UBA7: variants seen among roughly 807,000 people sequenced by gnomAD.
The protein encoded by UBA7 is ubiquitin-like modifier-activating enzyme 7.
In UBA7, 88 loss-of-function variants were observed where a neutral mutation model predicts 113.0. That is an observed-to-expected ratio of 0.78 (90% confidence interval 0.66 to 0.93). The LOEUF (loss-of-function observed/expected upper bound fraction) is 0.93. UBA7 is among the 40% of genes least tolerant of loss of function. The probability of loss-of-function intolerance (pLI) is 0.00; values close to 1 mark genes in which losing one functional copy is unlikely to be tolerated. For synonymous variants in UBA7, 459 were observed against 513.0 expected, an observed-to-expected ratio of 0.89 and a Z score of 1.42; for missense variants, 1,092 against 1,266.4, an observed-to-expected ratio of 0.86 and a Z score of 2.09.
chr3:49,806,527 C>T (rs1392393542), intron 21 of UBA7, among the ~76,000 whole-genome samples: 1 of 152,112 alleles, frequency 6.6e-6, no homozygotes, highest in African/African-American at 2.4e-5. Flanking sequence ...CTGGGGGGCA[C>T]ATCCTGTCCC....
Position 49,812,505 on chromosome 3 carries a change from A to G in UBA7, c.597T>C (p.Asn199=), listed in dbSNP as rs1406028633. ...AGTCTCCATCACGGAAGTAGTGGGT[A>G]TTGGCCCCTTTCCTCAGAGTGAGAA... The part of the protein sequence containing the change: ...PGILTLRKGA[N]THYFRDGDLV... The change falls in exon 6 of 24, where the codon AAT becomes AAC. Residue 199 remains asparagine (N), a synonymous_variant. Transcript: ENST00000333486. 1 of 1,614,174 alleles carries G rather than the reference A, an allele frequency of 6.2e-7. No individual in the cohort carries two copies. Among genetic ancestry groups the G allele is most frequent in the East Asian group, 2.2e-5 (1 of 44,860 alleles).
rs1008278625 is a variant in UBA7, at chr3:49,807,829, C to T, written c.2622G>A (p.Gly874=). 1 of 1,614,022 alleles carries T rather than the reference C, an allele frequency of 6.2e-7. No individual in the cohort carries two copies. Among genetic ancestry groups the T allele is most frequent in the African/African-American group, 1.3e-5 (1 of 74,924 alleles). ...GGCGAAAGGCACTACGAGGCCGTGG[C>T]CCACTCACCACCTTATACAGCTCCA... ...LGLELYKVVS[G]PRPRSAFRHS... The change falls in exon 21 of 24, where the codon GGG becomes GGA. Residue 874 remains glycine (G), a synonymous_variant. Coordinates refer to ENST00000333486, the MANE Select transcript of UBA7 (RefSeq NM_003335.3). This position sits in a 1 kb window ranked among gnomAD's most constrained non-coding sequence, Gnocchi z 4.0.
In UBA7 at chr3:49,811,056, C is replaced by T. The variant is rs927387889; in HGVS notation, c.1158G>A (p.Trp386Ter). 2 of 1,614,098 alleles carry T rather than the reference C, an allele frequency of 1.2e-6. No individual in the cohort carries two copies. Among genetic ancestry groups the T allele is most frequent in the Non-Finnish European group, 1.7e-6 (2 of 1,180,010 alleles). ...ISRKFMPLDQ[W>*]LYFDALDCLP... ...GACAATCGAGGGCATCAAAGTAAAGCCACTGGTCCAGAGGCATGAACTTCC... is the reference window on the plus strand; with the variant it reads ...GACAATCGAGGGCATCAAAGTAAAGTCACTGGTCCAGAGGCATGAACTTCC... Residue 386 changes from tryptophan to a stop codon, truncating the protein, a stop_gained, in exon 10 of 24, where the codon TGG becomes TGA. Transcript: ENST00000333486. LOFTEE classifies it high-confidence loss of function.
Position 49,812,193 on chromosome 3 carries a change from C to T in UBA7, c.708G>A (p.Leu236=), listed in dbSNP as rs2081559961. Residue 236 remains leucine (L), a synonymous_variant, in exon 7 of 24, where the codon CTG becomes CTA. Transcript: ENST00000333486. ...AGAAAGTTGTTGTGTCTCCAATCTC[C>T]AGGGACCCATCCTCTGAGGGAGTTC... The part of the protein sequence containing the change: ...RSIHVREDGS[L]EIGDTTTFSR... 10 of 1,614,226 alleles carry T rather than the reference C, an allele frequency of 6.2e-6. No homozygotes were observed. The highest frequency in any genetic ancestry group is 7.6e-6 in the Non-Finnish European group (9 of 1,180,040).
rs562192715 is a variant in UBA7 at position 49,810,378 on chromosome 3, G to C, written c.1518C>G (p.Asp506Glu). 2 of 1,614,070 alleles carry C rather than the reference G, an allele frequency of 1.2e-6. No individual in the cohort carries two copies. Among genetic ancestry groups the C allele is most frequent in the Non-Finnish European group, 1.7e-6 (2 of 1,180,046 alleles). Residue 506 changes from aspartate to glutamate, a missense_variant, in exon 13 of 24, where the codon GAC (aspartate) becomes GAG (glutamate). Transcript: ENST00000333486. This position sits in a 1 kb window ranked among gnomAD's most constrained non-coding sequence, Gnocchi z 5.6. ...GGTAGGTGAGCGGGATCACCTGTAA[G>C]TCTGGGTTCAGGCCCCGGGCAGCTG... Reference protein sequence around the residue: ...AAAAARGLNPDLQVIPLTYPL... With the variant: ...AAAAARGLNPELQVIPLTYPL...
chr3:49,808,395 C>T lies in UBA7; in HGVS notation c.2421G>A (p.Met807Ile), dbSNP rs2081489541. Residue 807 changes from methionine to isoleucine, a missense_variant, in exon 19 of 24, where the codon ATG (methionine) becomes ATA (isoleucine). Physicochemically the swap from Met to Ile is conservative, Grantham distance 10. This residue lies in a region of UBA7 where 500 missense variants were observed against 529.3 expected (regional missense o/e 0.94). Transcript: ENST00000333486. ...WSVGPPLKPL[M>I]FEKDDDSNFH... Reference sequence around the variant, plus strand: ...CCACTTGGGCACCCACCTTCTCAAACATCAGAGGCTTCAGGGGAGGGCCCA... The same window carrying T: ...CCACTTGGGCACCCACCTTCTCAAATATCAGAGGCTTCAGGGGAGGGCCCA... 1 of 1,614,104 alleles carries T rather than the reference C, an allele frequency of 6.2e-7. No individual in the cohort carries two copies. The highest frequency in any genetic ancestry group is 1.1e-5 in the South Asian group (1 of 91,094).
At position 49,811,987 on chromosome 3, in the gene UBA7, G is replaced by A; in HGVS notation, c.822C>T (p.Pro274=). 1 of 1,614,210 alleles carries A rather than the reference G, an allele frequency of 6.2e-7. No homozygotes were observed. The highest frequency in any genetic ancestry group is 8.5e-7 in the Non-Finnish European group (1 of 1,180,044). Residue 274 remains proline, a synonymous_variant, in exon 8 of 24, where the codon CCC becomes CCT. Transcript: ENST00000333486. ...CCTGGGAGCTCTGGGCCACCACATG[G>A]GGCTGGAGCAGGGCTGTGTCCAGGG... The part of the protein sequence containing the change: ...HKSLDTALLQ[P]HVVAQSSQEV...
chr3:49,813,004 C>G, intron 4 of UBA7, 58 bp downstream of exon 4: 1 of 1,571,604 alleles, frequency 6.4e-7, no homozygotes, highest in Non-Finnish European at 8.7e-7. Context: ...GAGCTGAGGA[C>G]AGCATGAGGC....
intron 16 of UBA7, 27 bp downstream of exon 16, chr3:49,809,515 C>A (rs1224651276): frequency 6.2e-7 from 1 of 1,613,558 alleles, no homozygotes; most frequent in Admixed American, 1.7e-5. Context: ...CCCTGAGCCC[C>A]CAGCGTCCCA....
chr3:49,808,424 T>TC lies in UBA7; in HGVS notation c.2391dup (p.Ser798GlufsTer12), dbSNP rs944249809. 5 of 1,614,016 alleles carry TC rather than the reference T, an allele frequency of 3.1e-6. No homozygotes were observed. Among genetic ancestry groups the TC allele is most frequent in the Non-Finnish European group, 4.2e-6 (5 of 1,180,004 alleles). Reference sequence around the variant, plus strand: ...AGAGGCTTCAGGGGAGGGCCCACACTCCAGACTTCCAGGGCTTTGTTCAGT... The same window carrying TC: ...AGAGGCTTCAGGGGAGGGCCCACACTCCCAGACTTCCAGGGCTTTGTTCAGT... On this transcript the variant is annotated frameshift_variant, in exon 19 of 24. Transcript: ENST00000333486. LOFTEE classifies it high-confidence loss of function.
rs779909540 is a variant in UBA7, at chr3:49,812,466, C to G, written c.636G>C (p.Ser212=). The part of the protein sequence containing the change: ...YFRDGDLVTF[S]GIEGMVELND... Reference sequence around the variant, plus strand: ...TGAGCTCAACCATTCCCTCAATTCCCGAGAAAGTCACCAAGTCTCCATCAC... The same window carrying G: ...TGAGCTCAACCATTCCCTCAATTCCGGAGAAAGTCACCAAGTCTCCATCAC... The change falls in exon 6 of 24, where the codon TCG becomes TCC. Residue 212 remains serine, a synonymous_variant. Transcript: ENST00000333486. 1 of 1,614,238 alleles carries G rather than the reference C, an allele frequency of 6.2e-7. No individual in the cohort carries two copies. The highest frequency in any genetic ancestry group is 1.1e-5 in the South Asian group (1 of 91,086).
Position 49,813,369 on chromosome 3 carries a change from C to T in UBA7, c.240G>A (p.Glu80=). The change falls in exon 3 of 24, where the codon GAG becomes GAA. Residue 80 remains glutamate (E), a synonymous_variant. Transcript: ENST00000333486. ...SDLAAQFLLS[E]QDLERSRAEA... ...CGGCTCTGCTCCTTTCCAAGTCCTG[C>T]TCTGAGAGGAGAAACTAGGGAGAGA... 6.2e-7 allele frequency: 1 copy of T among 1,613,680 alleles called. No individual in the cohort carries two copies. The highest frequency in any genetic ancestry group is 8.5e-7 in the Non-Finnish European group (1 of 1,179,776).
rs2081510246 is a variant in UBA7, at chr3:49,809,658, C to T, written c.1972G>A (p.Val658Ile). ...TLTLLKPVLG[V>I]LRVRPQNWQD... The stretch of plus-strand genomic sequence containing the variant: ...CAGTTCTGTGGACGCACTCTCAGGA[C>T]CCCAAGCACTGGCTTCAGTAAGGTG... The change falls in exon 16 of 24, where the codon GTC becomes ATC. Residue 658 changes from valine to isoleucine, a missense_variant. Physicochemically the swap from Val to Ile is conservative, Grantham distance 29. This residue lies in a region of UBA7 where 500 missense variants were observed against 529.3 expected (regional missense o/e 0.94). Transcript: ENST00000333486. 1 of 1,614,138 alleles carries T rather than the reference C, an allele frequency of 6.2e-7. No individual in the cohort carries two copies. Among genetic ancestry groups the T allele is most frequent in the Non-Finnish European group, 8.5e-7 (1 of 1,180,036 alleles).
intron 18 of UBA7, 35 bp from the exon 19 acceptor site, chr3:49,808,503 C>T (rs1324657776): frequency 1.9e-6 from 3 of 1,605,976 alleles, no homozygotes; most frequent in Middle Eastern, 3.3e-4. Flanking sequence ...CAGTCCTTAG[C>T]CCCTGTCTCC....
intron 16 of UBA7, 36 bp from the exon 17 acceptor site, chr3:49,809,500 G>A: frequency 6.2e-7 from 1 of 1,613,898 alleles, no homozygotes; most frequent in Non-Finnish European, 8.5e-7. Context: ...GGCTCAGTCT[G>A]GTCCCCCTGA....
In UBA7 at chr3:49,810,655, A is replaced by C; in HGVS notation, c.1329T>G (p.Ile443Met). The change falls in exon 12 of 24, where the codon ATT becomes ATG. Residue 443 changes from isoleucine (I) to methionine (M), a missense_variant. Coordinates refer to ENST00000333486, the MANE Select transcript of UBA7 (RefSeq NM_003335.3). This position sits in a 1 kb window ranked among gnomAD's most constrained non-coding sequence, Gnocchi z 5.6. ...QHYLLVGAGA[I>M]GCELLKVFAL... ...CAAAGACTTTGAGCAGCTCACAACC[A>C]ATGGCACCAGCGCCCACCTGTTGGC... is the stretch of plus-strand genomic sequence containing the variant. 6.2e-7 allele frequency: 1 copy of C among 1,614,012 alleles called. No homozygotes were observed. Among genetic ancestry groups the C allele is most frequent in the Non-Finnish European group, 8.5e-7 (1 of 1,179,958 alleles).
rs374916361 is a variant in UBA7 at position 49,810,255 on chromosome 3, G to T, written c.1633+8C>A. 1 of 1,613,716 alleles carries T rather than the reference G, an allele frequency of 6.2e-7. No homozygotes were observed. Among genetic ancestry groups the T allele is most frequent in the Non-Finnish European group, 8.5e-7 (1 of 1,179,880 alleles). On this transcript the variant is annotated splice_region_variant and intron_variant, in intron 13 of 23. Transcript: ENST00000333486. This position sits in a 1 kb window ranked among gnomAD's most constrained non-coding sequence, Gnocchi z 5.6. Reference sequence around the variant, plus strand: ...GCAAGGGACTGACCTCCGAAGTCAAGCACTCACGGGCCTGGAAACTGTCCA... The same window carrying T: ...GCAAGGGACTGACCTCCGAAGTCAATCACTCACGGGCCTGGAAACTGTCCA...
Position 49,812,418 on chromosome 3 carries a change from G to A in UBA7, c.684C>T (p.Ile228=), listed in dbSNP as rs1559437420. The part of the protein sequence containing the change: ...VELNDCDPRS[I]HVREDGSLEI... ...ATGGGATTGGCTTACCCCGCACGTG[G>A]ATAGACCGGGGATCACAGTCGTTGA... The change falls in exon 6 of 24, where the codon ATC becomes ATT. Residue 228 remains isoleucine (I), a synonymous_variant. Transcript: ENST00000333486. The A allele has an allele frequency of 6.2e-7, 1 of 1,614,232 alleles. No homozygotes were observed. Among genetic ancestry groups the A allele is most frequent in the Non-Finnish European group, 8.5e-7 (1 of 1,180,040 alleles).
rs774463918 is a variant in UBA7 at position 49,806,134 on chromosome 3, C to A, written c.2747G>T (p.Arg916Leu). The change falls in exon 22 of 24, where the codon CGT (arginine) becomes CTT (leucine). Residue 916 changes from arginine (R) to leucine (L), a missense_variant. Physicochemically the swap from Arg to Leu is moderately radical, Grantham distance 102. Around this residue, in one of 3 missense-constraint regions of UBA7, gnomAD observed 500 missense variants for 529.3 expected, o/e 0.94. Transcript: ENST00000333486. ...AGGCTGCCCAGCTGGTACCTTCAGA[C>A]GGTCCCAAGAGGTCCACTTCAGGTG... ...FHHLKWTSWD[R>L]LKVPAGQPER... The A allele has an allele frequency of 6.2e-7, 1 of 1,602,672 alleles. No homozygotes were observed. The highest frequency in any genetic ancestry group is 8.5e-7 in the Non-Finnish European group (1 of 1,175,144).
Sources: gnomAD v4.1 joint callset for allele counts (sites outside exome capture counted in the v4.1 genomes callset) on GRCh38, gnomAD v4.1.1 for gene constraint, gnomAD v4.1.1 regional missense constraint, Gnocchi (gnomAD v3.1) non-coding constraint, MANE v1.5 for transcripts, NCBI Gene and HGNC (gene_info 2026-07-23, HGNC 2026-07-21) for gene names.